HMCN2: variants seen among roughly 807,000 people sequenced by gnomAD.
HMCN2 encodes hemicentin-2.
Under a neutral mutation model 377.5 loss-of-function variants are expected in HMCN2, and 325 were observed. That is an observed-to-expected ratio of 0.86 (90% CI 0.79 to 0.94). The LOEUF is 0.94. HMCN2 is among the 40% of genes least tolerant of loss of function. The probability of loss-of-function intolerance (pLI) is 0.00; values close to 1 mark genes in which losing one functional copy is unlikely to be tolerated. For missense variants in HMCN2, 4,543 were observed against 4,725.3 expected, an observed-to-expected ratio of 0.96 and a Z score of 1.13; for synonymous variants, 2,007 against 2,046.8, an observed-to-expected ratio of 0.98 and a Z score of 0.53.
At position 130,405,191 on chromosome 9, in the gene HMCN2, G is replaced by C; in HGVS notation, c.12339+132G>C. 3 of 605,432 alleles carry C rather than the reference G, an allele frequency of 5.0e-6. No homozygotes were observed. In the South Asian group the frequency reaches 8.0e-5, roughly 16 times the overall value. The allele number at this position is 605,432 out of a possible 1,614,324, so 37.5% of individuals were successfully genotyped here. A position where few individuals can be genotyped will look rare whatever the true frequency, so the allele number is the denominator to read the frequency against. ...AATCAGTGTCACCATCCCGGGTACA[G>C]ACAGCCAGAACTGAGGCTCAAAGTG... On this transcript the variant is annotated intron_variant, in intron 81 of 97. Transcript: ENST00000683500.
Position 130,295,703 on chromosome 9 carries a change from T to A in HMCN2, c.822T>A (p.Leu274=), listed in dbSNP as rs1266160656. 1 of 471,044 alleles carries A rather than the reference T, an allele frequency of 2.1e-6. No individual in the cohort carries two copies. Among genetic ancestry groups the A allele is most frequent in the East Asian group, 6.9e-5 (1 of 14,392 alleles). 29.2% of individuals were successfully genotyped at this position (471,044 alleles called of 1,614,324 possible). A position where few individuals can be genotyped will look rare whatever the true frequency, so the allele number is the denominator to read the frequency against. ...AGGAGGACGAGGGCCTCAACGTGCT[T>A]CTCAACATCCCTGACTCGGCCAAGG... is the stretch of plus-strand genomic sequence containing the variant. ...ILQEDEGLNV[L]LNIPDSAKVV... The change falls in exon 6 of 98, where the codon CTT becomes CTA. Residue 274 remains leucine (L), a synonymous_variant. Transcript: ENST00000683500.
intron 1 of HMCN2, among the ~76,000 whole-genome samples, chr9:130,283,442 T>C (rs535671301): frequency 1.8e-3 from 208 of 114,284 alleles, no homozygotes; most frequent in Middle Eastern, 0.012. Flanking sequence ...TCAGTGACGA[T>C]CATTTGTTCT....
Position 130,298,984 on chromosome 9 carries a change from A to G in HMCN2, c.1013-41A>G, listed in dbSNP as rs1302212279. On this transcript the variant is annotated intron_variant, in intron 7 of 97. Coordinates refer to ENST00000683500, the MANE Select transcript of HMCN2 (RefSeq NM_001291815.2). ...TACTTGAGGGGGATCACAGAGGCAG[A>G]CACTGACGCCAGCACTTTGTTCTTC... 4 of 444,110 alleles carry G rather than the reference A, an allele frequency of 9.0e-6. No individual in the cohort carries two copies. In the Admixed American group the frequency reaches 9.7e-5, roughly 11 times the overall value. The allele number at this position is 444,110 out of a possible 1,614,324, so 27.5% of individuals were successfully genotyped here. A position where few individuals can be genotyped will look rare whatever the true frequency, so the allele number is the denominator to read the frequency against.
At position 130,296,773 on chromosome 9, in the gene HMCN2, A is replaced by G. The variant is rs761797043; in HGVS notation, c.991A>G (p.Thr331Ala). Residue 331 changes from threonine to alanine, a missense_variant, in exon 7 of 98, where the codon ACC becomes GCC. Physicochemically the swap from Thr to Ala is moderately conservative, Grantham distance 58. This residue lies in a region of HMCN2 where 547 missense variants were observed against 189.9 expected (regional missense o/e 2.88). Coordinates refer to ENST00000683500, the MANE Select transcript of HMCN2 (RefSeq NM_001291815.2). ...TCAGCCCTTGCTGGACCTCAACCAC[A>G]CCCTCGAGTGGCCCTTGCAAGGTAC... ...STQPLLDLNH[T>A]LEWPLQGVPI... The G allele has an allele frequency of 8.7e-5, 41 of 469,596 alleles. No individual in the cohort carries two copies. The highest frequency in any genetic ancestry group is 1.4e-4 in the Non-Finnish European group (32 of 226,754). 29.1% of individuals were successfully genotyped at this position (469,596 alleles called of 1,614,324 possible). A position where few individuals can be genotyped will look rare whatever the true frequency, so the allele number is the denominator to read the frequency against.
rs782484116 is a variant in HMCN2 at position 130,310,062 on chromosome 9, G to A, written c.2350+1G>A. 15 of 530,728 alleles carry A rather than the reference G, an allele frequency of 2.8e-5. No homozygotes were observed. Among genetic ancestry groups the A allele is most frequent in the South Asian group, 1.1e-4 (8 of 70,962 alleles). The allele number at this position is 530,728 out of a possible 1,614,324, so 32.9% of individuals were successfully genotyped here. ...GCAGAAATCCAGCTGGCGGTTGGACGTGAGTGTATACCTTGTCTCCCCCTC... is the reference window on the plus strand; with the variant it reads ...GCAGAAATCCAGCTGGCGGTTGGACATGAGTGTATACCTTGTCTCCCCCTC... On this transcript the variant is annotated splice_donor_variant, in intron 15 of 97. Coordinates refer to ENST00000683500, the MANE Select transcript of HMCN2 (RefSeq NM_001291815.2). LOFTEE classifies it high-confidence loss of function.
In HMCN2 at chr9:130,302,965, G is replaced by A. The variant is rs558760982; in HGVS notation, c.1385G>A (p.Arg462Gln). 67 of 470,750 alleles carry A rather than the reference G, an allele frequency of 1.4e-4. 1 individual carries two copies. In the East Asian group the frequency reaches 4.2e-3, roughly 30 times the overall value. 29.2% of individuals were successfully genotyped at this position (470,750 alleles called of 1,614,324 possible). A position where few individuals can be genotyped will look rare whatever the true frequency, so the allele number is the denominator to read the frequency against. Residue 462 changes from arginine to glutamine, a missense_variant, in exon 9 of 98, where the codon CGA becomes CAA. Around this residue, in one of 5 missense-constraint regions of HMCN2, gnomAD observed 547 missense variants for 189.9 expected, o/e 2.88. Coordinates refer to ENST00000683500, the MANE Select transcript of HMCN2 (RefSeq NM_001291815.2). ...SALPFRLQLR[R>Q]GEARLGEERH... The stretch of plus-strand genomic sequence containing the variant: ...CTTCCCTTCCGGCTGCAGCTGCGGC[G>A]AGGTGAAGCCAGGCTGGGCGAAGAG...
chr9:130,386,077 T>G (rs1346631451), intron 60 of HMCN2, among the ~76,000 whole-genome samples: 1 of 150,960 alleles, frequency 6.6e-6, no homozygotes, highest in Non-Finnish European at 1.5e-5. Context: ...TGCCCTGCCC[T>G]CCCTCCCTCC....
chr9:130,307,067 G>A, intron 13 of HMCN2, 129 bp downstream of exon 13: 1 of 358,574 alleles, frequency 2.8e-6, no homozygotes, highest in Non-Finnish European at 5.7e-6. Flanking sequence ...TGAACACATG[G>A]TCCCTGTCTG....
chr9:130,419,030 T>C lies in HMCN2; in HGVS notation c.13220T>C (p.Leu4407Pro), dbSNP rs891848050. ...GGCTCTGCCACAGCCCGGGCGTTCC[T>C]GGTCGTGAGAGGTATGGGGCATCCC... is the stretch of plus-strand genomic sequence containing the variant. ...LLGSATARAF[L>P]VVRGEPQGSW... The change falls in exon 86 of 98, where the codon CTG becomes CCG. Residue 4407 changes from leucine to proline, a missense_variant. Around this residue, in one of 5 missense-constraint regions of HMCN2, gnomAD observed 1,155 missense variants for 1,157.7 expected, o/e 1.00. Coordinates refer to ENST00000683500, the MANE Select transcript of HMCN2 (RefSeq NM_001291815.2). 1.1e-5 allele frequency: 16 copies of C among 1,488,926 alleles called. No homozygotes were observed. Among genetic ancestry groups the C allele is most frequent in the Non-Finnish European group, 1.3e-5 (14 of 1,115,150 alleles). 92.2% of individuals were successfully genotyped at this position (1,488,926 alleles called of 1,614,324 possible).
intron 82 of HMCN2, 103 bp downstream of exon 82, chr9:130,406,271 G>C (rs1372520447): frequency 9.8e-7 from 1 of 1,017,604 alleles, no homozygotes; most frequent in Admixed American, 2.4e-5. Context: ...GGAAGAGGTT[G>C]TCAGCCAGCC....
chr9:130,407,153 G>C, intron 82 of HMCN2: 1 of 161,786 alleles, frequency 6.2e-6, no homozygotes, highest in Admixed American at 5.9e-5. Context: ...GGGAGGCTAA[G>C]GTAGGAGAAT....
At position 130,400,876 on chromosome 9, in the gene HMCN2, C is replaced by T. The variant is rs961166982; in HGVS notation, c.11699C>T (p.Pro3900Leu). The change falls in exon 77 of 98, where the codon CCG becomes CTG. Residue 3900 changes from proline to leucine, a missense_variant. This residue lies in a region of HMCN2 where 1,073 missense variants were observed against 1,319.5 expected (regional missense o/e 0.81). Coordinates refer to ENST00000683500, the MANE Select transcript of HMCN2 (RefSeq NM_001291815.2). ...TGTCACAGCACGGGTATACCAGCTC[C>T]GACCGTGTCCTGGAGCAAGGCAGGC... ...LTCHSTGIPA[P>L]TVSWSKAGAQ... The T allele has an allele frequency of 2.8e-5, 36 of 1,289,436 alleles. 1 individual carries two copies. Among genetic ancestry groups the T allele is most frequent in the Admixed American group, 2.5e-4 (11 of 43,526 alleles). The allele number at this position is 1,289,436 out of a possible 1,614,324, so 79.9% of individuals were successfully genotyped here. A position where few individuals can be genotyped will look rare whatever the true frequency, so the allele number is the denominator to read the frequency against.
chr9:130,348,192 G>A (rs773339947), intron 26 of HMCN2: 6 of 406,006 alleles, frequency 1.5e-5, no homozygotes, highest in Non-Finnish European at 2.0e-5. Flanking sequence ...TTACAAAAGC[G>A]TGGCCAGGCC....
intron 1 of HMCN2, among the ~76,000 whole-genome samples, chr9:130,273,574 T>C (rs1225871136): frequency 4.6e-5 from 7 of 152,158 alleles, no homozygotes; most frequent in Non-Finnish European, 4.4e-5. Flanking sequence ...CTCAGCTCAC[T>C]GCAACCTCCG....
At position 130,396,358 on chromosome 9, in the gene HMCN2, A is replaced by T. The variant is rs1483620273; in HGVS notation, c.11198+45A>T. 3.2e-6 allele frequency: 4 copies of T among 1,235,522 alleles called. No individual in the cohort carries two copies. The East Asian group carries it at 2.4e-4, about 73-fold the overall frequency. The allele number at this position is 1,235,522 out of a possible 1,614,324, so 76.5% of individuals were successfully genotyped here. On this transcript the variant is annotated intron_variant, in intron 73 of 97. Coordinates refer to ENST00000683500, the MANE Select transcript of HMCN2 (RefSeq NM_001291815.2). ...GGCCTCAGGGAGGCTCTCAGGTGCC[A>T]CTTTGTGGGTTGCAAATCAAACTCA...
chr9:130,408,578 CTGTT>C lies in HMCN2; in HGVS notation c.12689-162_12689-159del, dbSNP rs372752390. Among the ~76,000 whole-genome samples the C allele has an allele frequency of 4.1e-3, 626 of 152,338 alleles. 6 individuals are homozygous for C. The highest frequency in any genetic ancestry group is 0.015 in the African/African-American group (611 of 41,580). ...TGTGACTTGACCCATGACATGAACA[CTGTT>C]TGCTGTCCCTGATGCACTGACTAAA... is the stretch of plus-strand genomic sequence containing the variant. On this transcript the variant is annotated intron_variant, in intron 83 of 97. Coordinates refer to ENST00000683500, the MANE Select transcript of HMCN2 (RefSeq NM_001291815.2).
chr9:130,427,840 G>A (rs1474987605), intron 92 of HMCN2, among the ~76,000 whole-genome samples: 1 of 152,176 alleles, frequency 6.6e-6, no homozygotes, highest in Non-Finnish European at 1.5e-5. Flanking sequence ...GGTATCAGGG[G>A]GTGATGGGCA....
intron 40 of HMCN2, 105 bp downstream of exon 40, chr9:130,363,095 G>A (rs1471173160): frequency 1.3e-5 from 12 of 912,994 alleles, no homozygotes; most frequent in East Asian, 1.2e-4. Flanking sequence ...GTGGATGGAG[G>A]AGTGTCCACC....
Position 130,349,758 on chromosome 9 carries a change from G to A in HMCN2, c.4430+95G>A, listed in dbSNP as rs560667618. The A allele has an allele frequency of 2.2e-4, 255 of 1,182,942 alleles. 1 individual carries two copies. The African/African-American group carries it at 3.9e-3, about 18-fold the overall frequency. The allele number at this position is 1,182,942 out of a possible 1,614,324, so 73.3% of individuals were successfully genotyped here. ...GGGAAGGTTGAACTCTTCTTGGGGA[G>A]CTGACAGGCATGGCATGTGCCACCC... is the stretch of plus-strand genomic sequence containing the variant. On this transcript the variant is annotated intron_variant, in intron 29 of 97. Transcript: ENST00000683500.
Sources: gnomAD v4.1 joint callset for allele counts (sites outside exome capture counted in the v4.1 genomes callset) on GRCh38, gnomAD v4.1.1 for gene constraint, gnomAD v4.1.1 regional missense constraint, MANE v1.5 for transcripts, NCBI Gene and HGNC (gene_info 2026-07-23, HGNC 2026-07-21) for gene names.